Variants in CNTNAP2 observed in about 807,000 individuals in gnomAD.
CNTNAP2 encodes the protein contactin associated protein 2.
CNTNAP2 carries 98 observed loss-of-function variants against 155.2 expected under a neutral mutation model. The ratio of observed to expected loss-of-function variants is 0.63; its 90% CI spans 0.54 to 0.75. The LOEUF (loss-of-function observed/expected upper bound fraction) is 0.75, where lower values mean the gene tolerates loss of function less well. Among genes scored for constraint, CNTNAP2 ranks in the 30% least tolerant of loss-of-function variants. The pLI, the probability that CNTNAP2 is intolerant of heterozygous loss-of-function variation, is 0.00. For synonymous variants in CNTNAP2, 651 were observed against 631.2 expected (o/e 1.03, Z -0.47); for missense variants, 1,727 against 1,688.1 (o/e 1.02, Z -0.40).
chr7:146,532,497 A>T (rs375690977), intron 1 of CNTNAP2, among the ~76,000 whole-genome samples: 32 of 152,114 alleles, frequency 2.1e-4, no homozygotes, highest in African/African-American at 7.7e-4. Context: ...ATTGTATAGG[A>T]CACAATTTTA....
At chr7:146,429,595 G>A (rs1199368024) in intron 1 of CNTNAP2, among the ~76,000 whole-genome samples, 1 of 152,130 alleles carries the variant, frequency 6.6e-6, no homozygotes, top group African/African-American at 2.4e-5. Flanking sequence ...AGACTTTGCT[G>A]AAGTTGTTTA....
intron 20 of CNTNAP2, among the ~76,000 whole-genome samples, chr7:148,234,384 A>G (rs1413505550): frequency 1.3e-5 from 2 of 152,250 alleles, no homozygotes; most frequent in African/African-American, 4.8e-5. Context: ...AGTTCAAAAT[A>G]TGCAAAAACA....
intron 1 of CNTNAP2, among the ~76,000 whole-genome samples, chr7:146,139,825 G>A (rs1330246621): frequency 6.6e-6 from 1 of 152,078 alleles, no homozygotes. Context: ...TAAAATAATT[G>A]GGGCAATAAT....
intron 14 of CNTNAP2, among the ~76,000 whole-genome samples, chr7:147,974,687 G>C (rs1585056434): frequency 6.6e-6 from 1 of 152,106 alleles, no homozygotes; most frequent in Non-Finnish European, 1.5e-5. Flanking sequence ...CAATGATCTT[G>C]AGCAACCTGA....
intron 3 of CNTNAP2, among the ~76,000 whole-genome samples, chr7:146,950,949 G>A (rs1007450006): frequency 3.3e-5 from 5 of 152,130 alleles, no homozygotes; most frequent in Non-Finnish European, 7.4e-5. Flanking sequence ...ATCCTCTCCA[G>A]CATCTGTTGT....
At chr7:148,409,789 C>A (rs9648692) in intron 23 of CNTNAP2, among the ~76,000 whole-genome samples, 1 of 76,012 alleles carries the variant, frequency 1.3e-5, no homozygotes, top group African/African-American at 5.9e-5. Context: ...CGGTGGCTCA[C>A]GCCTGTAATC....
intron 1 of CNTNAP2, among the ~76,000 whole-genome samples, chr7:146,669,970 A>G (rs1800272439): frequency 6.6e-6 from 1 of 152,122 alleles, no homozygotes; most frequent in Non-Finnish European, 1.5e-5. Context: ...AAATTTTGTA[A>G]TCTGTAAAAG....
chr7:146,997,609 T>C (rs1251043198), intron 3 of CNTNAP2, among the ~76,000 whole-genome samples: 1 of 152,124 alleles, frequency 6.6e-6, no homozygotes, highest in Non-Finnish European at 1.5e-5. Flanking sequence ...TTCAATTTTT[T>C]AGAAAAATCT....
intron 8 of CNTNAP2, among the ~76,000 whole-genome samples, chr7:147,193,169 C>A (rs75846692): frequency 0.013 from 1,954 of 152,160 alleles, 39 homozygotes; most frequent in African/African-American, 0.045. Context: ...CAAGGTTATT[C>A]ATGTATTTTT....
intron 1 of CNTNAP2, among the ~76,000 whole-genome samples, chr7:146,351,006 G>A (rs377151265): frequency 9.9e-4 from 127 of 128,876 alleles, no homozygotes; most frequent in African/African-American, 3.6e-3. Context: ...AGGAAGGGGA[G>A]CATCACACTC....
At chr7:146,797,045 A>G (rs1157075975) in intron 2 of CNTNAP2, among the ~76,000 whole-genome samples, 1 of 152,106 alleles carries the variant, frequency 6.6e-6, no homozygotes, top group Non-Finnish European at 1.5e-5. Flanking sequence ...CTGAGGCAGG[A>G]GAATGGTGTG....
chr7:148,410,919 G>T (rs1199173180), intron 23 of CNTNAP2, among the ~76,000 whole-genome samples: 3 of 152,090 alleles, frequency 2.0e-5, no homozygotes, highest in Non-Finnish European at 4.4e-5. Flanking sequence ...TACTGTACTT[G>T]GTTGATGAAC....
chr7:146,638,377 C>A (rs1348552744), intron 1 of CNTNAP2, among the ~76,000 whole-genome samples: 1 of 151,330 alleles, frequency 6.6e-6, no homozygotes, highest in East Asian at 1.9e-4. Flanking sequence ...TTGGCTGGGG[C>A]AAGTATCACT....
At chr7:148,209,149 A>G (rs1305683960) in intron 18 of CNTNAP2, among the ~76,000 whole-genome samples, 1 of 152,166 alleles carries the variant, frequency 6.6e-6, no homozygotes, top group Non-Finnish European at 1.5e-5. Context: ...TTGTTGAAAC[A>G]GCATCTCACT....
intron 13 of CNTNAP2, among the ~76,000 whole-genome samples, chr7:147,645,170 A>G (rs1795346597): frequency 1.3e-5 from 2 of 152,290 alleles, no homozygotes; most frequent in Middle Eastern, 3.4e-3. Flanking sequence ...AGCATACTTT[A>G]TGATACTAAA....
chr7:147,801,853 G>T (rs541749637), intron 13 of CNTNAP2, among the ~76,000 whole-genome samples: 6 of 61,256 alleles, frequency 9.8e-5, no homozygotes, highest in East Asian at 3.5e-4. Flanking sequence ...CCTCCCAGAC[G>T]GGGGGGGCGG....
At chr7:148,312,916 G>A (rs891348863) in intron 21 of CNTNAP2, among the ~76,000 whole-genome samples, 1 of 151,262 alleles carries the variant, frequency 6.6e-6, no homozygotes, top group South Asian at 2.1e-4. Context: ...AGATACAAGT[G>A]GGGGGGATGT....
chr7:146,487,199 G>C (rs1227363894), intron 1 of CNTNAP2, among the ~76,000 whole-genome samples: 2 of 152,118 alleles, frequency 1.3e-5, no homozygotes, highest in Non-Finnish European at 2.9e-5. Context: ...TGATAGACTA[G>C]AATGCAAATT....
At chr7:147,786,524 T>G (rs2116565384) in intron 13 of CNTNAP2, among the ~76,000 whole-genome samples, 1 of 152,286 alleles carries the variant, frequency 6.6e-6, no homozygotes, top group Middle Eastern at 3.4e-3. Context: ...AAACCTGGAC[T>G]GCTGGGGATG....
Sources: gnomAD v4.1 joint callset for allele counts (sites outside exome capture counted in the v4.1 genomes callset) on GRCh38, gnomAD v4.1.1 for gene constraint, MANE v1.5 for transcripts, NCBI Gene and HGNC (gene_info 2026-07-23, HGNC 2026-07-21) for gene names.